CLVS1: variants seen among roughly 807,000 people sequenced by gnomAD.
CLVS1 encodes clavesin-1.
CLVS1 carries 10 observed loss-of-function variants against 33.1 expected under a neutral mutation model. The observed-to-expected ratio is 0.30, with a 90% CI of 0.19 to 0.51. The LOEUF (loss-of-function observed/expected upper bound fraction) is 0.51. Ranked by LOEUF, CLVS1 falls within the 20% of genes least tolerant of loss-of-function variation. CLVS1 has a pLI of 0.97. For synonymous variants in CLVS1, 163 were observed against 166.1 expected, an observed-to-expected ratio of 0.98 and a Z score of 0.14; for missense variants, 343 against 433.4, an observed-to-expected ratio of 0.79 and a Z score of 1.85.
intron 2 of CLVS1, among the ~76,000 whole-genome samples, chr8:61,373,964 C>T (rs1250642255): frequency 4.6e-5 from 7 of 152,124 alleles, no homozygotes; most frequent in Admixed American, 2.0e-4. Flanking sequence ...TGCTGGCTGT[C>T]GCATATTTTT....
intron 5 of CLVS1, among the ~76,000 whole-genome samples, chr8:61,487,484 G>A (rs912192210): frequency 2.6e-5 from 4 of 152,176 alleles, no homozygotes; most frequent in Admixed American, 1.3e-4. Context: ...CTCCTACATC[G>A]TGTTCTCACA....
At chr8:60,991,873 AG>A in the CLVS1 span, among the ~76,000 whole-genome samples, 1 of 151,348 alleles carries the variant, frequency 6.6e-6, no homozygotes, top group African/African-American at 2.4e-5. Flanking sequence ...CAGCCACCTG[AG>A]GAGTTGGGAT....
intron 2 of CLVS1, among the ~76,000 whole-genome samples, chr8:61,344,517 AG>A (rs930326445): frequency 6.6e-6 from 1 of 152,206 alleles, no homozygotes; most frequent in African/African-American, 2.4e-5. Context: ...AGACAGCTCC[AG>A]GGAATGGAGT....
Position 61,061,015 on chromosome 8 carries a change from A to G in CLVS1, c.-243+3785A>G, listed in dbSNP as rs560978807. On this transcript the variant is annotated intron_variant, in intron 1 of 2. Transcript: ENST00000522621. ...GTTTTTATAGCCTCCTCAGCTGCAGACTTGATGACCAGACTCTGTTACTCA... is the reference window on the plus strand; with the variant it reads ...GTTTTTATAGCCTCCTCAGCTGCAGGCTTGATGACCAGACTCTGTTACTCA... 7.9e-5 allele frequency among the ~76,000 whole-genome samples: 12 copies of G among 152,228 alleles called. No individual in the cohort carries two copies. In the South Asian group the frequency reaches 2.3e-3, roughly 29 times the overall value.
intron 2 of CLVS1, among the ~76,000 whole-genome samples, chr8:61,309,155 GA>G (rs1810743150): frequency 6.6e-6 from 1 of 152,188 alleles, no homozygotes. Flanking sequence ...AGATGATTCT[GA>G]AGTCTCAACA....
At position 61,214,529 on chromosome 8, in the gene CLVS1, T is replaced by C. The variant is rs143551208; in HGVS notation, c.-152+82669T>C. Among the ~76,000 whole-genome samples the C allele has an allele frequency of 7.2e-4, 110 of 152,274 alleles. 2 individuals carry two copies. The East Asian group carries it at 0.02, about 28-fold the overall frequency. On this transcript the variant is annotated intron_variant, in intron 2 of 2. Transcript: ENST00000522621. Reference sequence around the variant, plus strand: ...ATAGATATGCACACAGGGAAGGTCATGTGAAGACACAGGGAGAAGGCAGCC... The same window carrying C: ...ATAGATATGCACACAGGGAAGGTCACGTGAAGACACAGGGAGAAGGCAGCC...
chr8:61,319,154 T>G (rs907311825), intron 2 of CLVS1, among the ~76,000 whole-genome samples: 1 of 152,150 alleles, frequency 6.6e-6, no homozygotes, highest in Non-Finnish European at 1.5e-5. Context: ...AATTTTGTCA[T>G]GTTGTTTGTG....
chr8:61,112,930 T>A (rs760616666), intron 1 of CLVS1, among the ~76,000 whole-genome samples: 8 of 152,072 alleles, frequency 5.3e-5, no homozygotes, highest in Non-Finnish European at 1.0e-4. Flanking sequence ...TCTGAACACA[T>A]GTGGAAAGTT....
intron 2 of CLVS1, among the ~76,000 whole-genome samples, chr8:61,167,768 A>G (rs1204819075): frequency 1.3e-5 from 2 of 152,182 alleles, no homozygotes; most frequent in Non-Finnish European, 2.9e-5. Context: ...GAAGCCGGCT[A>G]AAACCCACCA....
At chr8:61,167,829 C>T (rs1806910674) in intron 2 of CLVS1, among the ~76,000 whole-genome samples, 1 of 152,200 alleles carries the variant, frequency 6.6e-6, no homozygotes, top group Non-Finnish European at 1.5e-5. Context: ...CTGCTACACT[C>T]CCACCAGCGC....
At chr8:61,030,865 C>A in the CLVS1 span, among the ~76,000 whole-genome samples, 1 of 152,166 alleles carries the variant, frequency 6.6e-6, no homozygotes, top group African/African-American at 2.4e-5. Flanking sequence ...GTTTGGGAGT[C>A]AGGCCACCTG....
intron 5 of CLVS1, among the ~76,000 whole-genome samples, chr8:61,486,111 A>AAATAAATAAATAAATG (rs1803872582): frequency 6.6e-6 from 1 of 151,506 alleles, no homozygotes; most frequent in Non-Finnish European, 1.5e-5. Flanking sequence ...ATAAATAAAT[A>AAATAAATAAATAAATG]AATAAATAAA....
At chr8:61,043,550 A>G in the CLVS1 span, among the ~76,000 whole-genome samples, 6 of 152,256 alleles carry the variant, frequency 3.9e-5, no homozygotes, top group Non-Finnish European at 5.9e-5. Context: ...CACAGCCTCA[A>G]GTATGGGGGA....
At chr8:61,234,497 G>A (rs6471944) in intron 2 of CLVS1, among the ~76,000 whole-genome samples, 33,048 of 151,940 alleles carry the variant, frequency 0.22, 6,246 homozygotes, top group East Asian at 0.69. Flanking sequence ...GCATATATCC[G>A]GTCACAATGA....
intron 2 of CLVS1, among the ~76,000 whole-genome samples, chr8:61,157,486 A>G (rs1015693310): frequency 3.3e-5 from 5 of 152,210 alleles, no homozygotes; most frequent in Admixed American, 6.5e-5. Flanking sequence ...CTAACCCTAT[A>G]TATCTGTACA....
intron 3 of CLVS1, among the ~76,000 whole-genome samples, chr8:61,393,767 G>A (rs903993183): frequency 6.6e-6 from 1 of 152,158 alleles, no homozygotes; most frequent in Non-Finnish European, 1.5e-5. Flanking sequence ...CCATTTTCAG[G>A]ACTCCCAGCC....
chr8:61,049,055 G>A, the CLVS1 span, among the ~76,000 whole-genome samples: 1 of 152,080 alleles, frequency 6.6e-6, no homozygotes, highest in South Asian at 2.1e-4. Flanking sequence ...ATTTATTCAG[G>A]GACACCTCTT....
rs1429510666 is a variant in CLVS1, at chr8:61,288,198, TC to T, written c.-152+61del. 4 of 456,296 alleles carry T rather than the reference TC, an allele frequency of 8.8e-6. No homozygotes were observed. The East Asian group carries it at 2.1e-4, about 24-fold the overall frequency. The allele number at this position is 456,296 out of a possible 1,614,324, so 28.3% of individuals were successfully genotyped here. Reference sequence around the variant, plus strand: ...CCGAGCCTCCCCGCCTTTCCCCCGCTCTTTCGATGCCATGGCTGCGGCGTTT... The same window carrying T: ...CCGAGCCTCCCCGCCTTTCCCCCGCTTTTCGATGCCATGGCTGCGGCGTTT... On this transcript the variant is annotated intron_variant, in intron 1 of 5. Transcript: ENST00000325897.
At chr8:61,255,064 G>T (rs540189104) in intron 2 of CLVS1, among the ~76,000 whole-genome samples, 243 of 152,202 alleles carry the variant, frequency 1.6e-3, no homozygotes, top group Middle Eastern at 3.4e-3. Flanking sequence ...CCTATTTGTG[G>T]TTTTTTGTAT....
Sources: gnomAD v4.1 joint callset for allele counts (sites outside exome capture counted in the v4.1 genomes callset) on GRCh38, gnomAD v4.1.1 for gene constraint, MANE v1.5 for transcripts, NCBI Gene and HGNC (gene_info 2026-07-23, HGNC 2026-07-21) for gene names.